The following PEPD variants were observed in gnomAD, a reference collection of about 807,000 sequenced individuals.
PEPD encodes xaa-Pro dipeptidase.
PEPD carries 53 observed loss-of-function variants against 60.7 expected under a neutral mutation model. That is an observed-to-expected ratio of 0.87 (90% CI 0.70 to 1.10). The LOEUF is 1.10. Ranked by LOEUF, PEPD falls within the 50% of genes least tolerant of loss-of-function variation. PEPD has a pLI of 0.00. For missense variants in PEPD, 711 were observed against 711.9 expected (o/e 1.00, Z 0.01); for synonymous variants, 267 against 284.1 (o/e 0.94, Z 0.60).
chr19:33,406,158 A>G (rs1395622283), intron 11 of PEPD, among the ~76,000 whole-genome samples: 3 of 152,142 alleles, frequency 2.0e-5, no homozygotes, highest in African/African-American at 7.2e-5. Flanking sequence ...GGCGGGAGGG[A>G]GAGTCACACG....
chr19:33,459,105 C>A (rs539498036), intron 9 of PEPD, among the ~76,000 whole-genome samples: 1 of 152,054 alleles, frequency 6.6e-6, no homozygotes, highest in Non-Finnish European at 1.5e-5. Flanking sequence ...GGGCTGTCGC[C>A]TGTGGCAGGA....
At chr19:33,449,021 C>T (rs543125989) in intron 9 of PEPD, among the ~76,000 whole-genome samples, 1 of 152,318 alleles carries the variant, frequency 6.6e-6, no homozygotes, top group South Asian at 2.1e-4. Context: ...CCCCACACTC[C>T]CCAACCAAGA....
chr19:33,472,850 C>A (rs1373681948), intron 7 of PEPD, among the ~76,000 whole-genome samples: 2 of 152,178 alleles, frequency 1.3e-5, no homozygotes, highest in Non-Finnish European at 2.9e-5. Context: ...GAATTCAACA[C>A]CACTGAACCC....
chr19:33,520,473 C>T (rs936341823), intron 1 of PEPD, among the ~76,000 whole-genome samples: 6 of 152,206 alleles, frequency 3.9e-5, no homozygotes, highest in African/African-American at 1.2e-4. Flanking sequence ...GTCCATGCCC[C>T]TCCTTTGCAA....
At chr19:33,446,002 C>T (rs756749201) in intron 9 of PEPD, among the ~76,000 whole-genome samples, 4 of 152,200 alleles carry the variant, frequency 2.6e-5, no homozygotes, top group Admixed American at 1.3e-4. Context: ...GGAAGGGCCG[C>T]CTGTCCAAAC....
At chr19:33,445,601 G>A (rs989444582) in intron 9 of PEPD, among the ~76,000 whole-genome samples, 1 of 152,190 alleles carries the variant, frequency 6.6e-6, no homozygotes, top group African/African-American at 2.4e-5. Flanking sequence ...CAGCCCTGCC[G>A]ATGCCTTGAT....
intron 1 of PEPD, among the ~76,000 whole-genome samples, chr19:33,520,107 G>C (rs1971103729): frequency 6.6e-6 from 1 of 151,830 alleles, no homozygotes; most frequent in Non-Finnish European, 1.5e-5. Flanking sequence ...TCTCATTCCA[G>C]GATCCAGTCA....
At chr19:33,521,367 G>C (rs557398591) in intron 1 of PEPD, among the ~76,000 whole-genome samples, 102 of 152,350 alleles carry the variant, frequency 6.7e-4, no homozygotes, top group African/African-American at 2.4e-3. Flanking sequence ...TTCCAAGTCC[G>C]TCTCGAATAC....
At chr19:33,424,708 G>A (rs1336355365) in intron 9 of PEPD, among the ~76,000 whole-genome samples, 1 of 152,090 alleles carries the variant, frequency 6.6e-6, no homozygotes, top group Admixed American at 6.5e-5. Flanking sequence ...AGACATACCC[G>A]AGACTGAGTA....
chr19:33,488,317 CCCA>C (rs1358131864), intron 6 of PEPD, among the ~76,000 whole-genome samples: 11 of 152,132 alleles, frequency 7.2e-5, no homozygotes, highest in African/African-American at 2.7e-4. Flanking sequence ...TCCTCCAGTG[CCCA>C]CCACAAGCCC....
At chr19:33,392,371 G>C (rs1310448765) in intron 12 of PEPD, among the ~76,000 whole-genome samples, 1 of 152,212 alleles carries the variant, frequency 6.6e-6, no homozygotes, top group African/African-American at 2.4e-5. Flanking sequence ...CCCGGACTCT[G>C]TGGAATCCCA....
Position 33,387,925 on chromosome 19 carries a change from G to A in PEPD, c.1309C>T (p.Arg437Cys), listed in dbSNP as rs376372688. The A allele has an allele frequency of 5.8e-5, 92 of 1,592,608 alleles. No individual in the cohort carries two copies. Among genetic ancestry groups the A allele is most frequent in the South Asian group, 1.4e-4 (12 of 87,776 alleles). The change falls in exon 14 of 15, where the codon CGC becomes TGC. Residue 437 changes from arginine (R) to cysteine (C), a missense_variant. Coordinates refer to ENST00000244137, the MANE Select transcript of PEPD (RefSeq NM_000285.4). ...ADPARASFLN[R>C]EVLQRFRGFG... ...CCGCGAAAGCGCTGCAGGACCTCGC[G>A]GTTAAGGAAGGAGGCGCGGGCCGGG...
At chr19:33,407,628 T>C (rs1055940262) in intron 11 of PEPD, among the ~76,000 whole-genome samples, 3 of 152,202 alleles carry the variant, frequency 2.0e-5, no homozygotes, top group African/African-American at 4.8e-5. Context: ...TGCGCTTTTG[T>C]AACCCTGTTC....
chr19:33,500,665 T>C (rs1251105992), intron 4 of PEPD, among the ~76,000 whole-genome samples: 2 of 152,132 alleles, frequency 1.3e-5, no homozygotes, highest in Non-Finnish European at 2.9e-5. Context: ...AGACACCTCA[T>C]GTAATCTCAG....
At chr19:33,474,375 T>G (rs538457567) in intron 7 of PEPD, among the ~76,000 whole-genome samples, 1 of 152,344 alleles carries the variant, frequency 6.6e-6, no homozygotes, top group African/African-American at 2.4e-5. Flanking sequence ...AACACTTACC[T>G]AATACACCAC....
At chr19:33,494,126 G>A (rs1970551609) in intron 4 of PEPD, among the ~76,000 whole-genome samples, 1 of 152,120 alleles carries the variant, frequency 6.6e-6, no homozygotes, top group African/African-American at 2.4e-5. Context: ...CCTGCTGGGA[G>A]CAATTTCTTC....
chr19:33,393,856 G>A (rs976538286), intron 12 of PEPD, among the ~76,000 whole-genome samples: 8 of 152,260 alleles, frequency 5.3e-5, no homozygotes, highest in Non-Finnish European at 1.2e-4. Flanking sequence ...CACACAGGCC[G>A]TTTTACCTCA....
intron 9 of PEPD, among the ~76,000 whole-genome samples, chr19:33,440,140 C>T (rs1969455930): frequency 6.6e-6 from 1 of 152,134 alleles, no homozygotes; most frequent in Non-Finnish European, 1.5e-5. Context: ...TGAACCTCTC[C>T]CCAGATGCTC....
chr19:33,461,607 T>C (rs1336553731), intron 9 of PEPD, among the ~76,000 whole-genome samples: 2 of 152,208 alleles, frequency 1.3e-5, no homozygotes, highest in African/African-American at 4.8e-5. Context: ...GCATCAGCTA[T>C]GGGTCACTGT....
Sources: gnomAD v4.1 joint callset for allele counts (sites outside exome capture counted in the v4.1 genomes callset) on GRCh38, gnomAD v4.1.1 for gene constraint, MANE v1.5 for transcripts, NCBI Gene and HGNC (gene_info 2026-07-23, HGNC 2026-07-21) for gene names.